ARHGEF26: variants seen among roughly 807,000 people sequenced by gnomAD.
The protein encoded by ARHGEF26 is Rho guanine nucleotide exchange factor 26.
In ARHGEF26, 59 loss-of-function variants were observed where a neutral mutation model predicts 89.4. The ratio of observed to expected loss-of-function variants is 0.66; its 90% CI spans 0.54 to 0.82. The LOEUF (loss-of-function observed/expected upper bound fraction) is 0.82. Among genes scored for constraint, ARHGEF26 ranks in the 40% least tolerant of loss-of-function variants. The pLI, the probability that ARHGEF26 is intolerant of heterozygous loss-of-function variation, is 0.00. For synonymous variants in ARHGEF26, 500 were observed against 428.4 expected (o/e 1.17, Z -2.06); for missense variants, 1,234 against 1,085.6 (o/e 1.14, Z -1.92).
chr3:154,240,447 A>G lies in ARHGEF26; in HGVS notation c.2168A>G (p.Asn723Ser). ...GAATCTTGTGACAATGAAGAGCTTA[A>G]TTCTTCTCCAGGGAAGAACAGCTCC... is the stretch of plus-strand genomic sequence containing the variant. Reference protein sequence around the residue: ...LVESCDNEELNSSPGKNSSTM... With the variant: ...LVESCDNEELSSSPGKNSSTM... Residue 723 changes from asparagine (N) to serine (S), a missense_variant, in exon 12 of 15, where the codon AAT becomes AGT. Coordinates refer to ENST00000465093, the MANE Select transcript of ARHGEF26 (RefSeq NM_015595.4). The G allele has an allele frequency of 6.2e-7, 1 of 1,613,636 alleles. No individual in the cohort carries two copies. Among genetic ancestry groups the G allele is most frequent in the Non-Finnish European group, 8.5e-7 (1 of 1,179,678 alleles).
intron 4 of ARHGEF26, among the ~76,000 whole-genome samples, chr3:154,132,994 G>A (rs547358418): frequency 1.3e-5 from 2 of 152,254 alleles, no homozygotes; most frequent in Admixed American, 6.5e-5. Flanking sequence ...AGGGTAGGGA[G>A]TGAGTGCACA....
chr3:154,139,713 G>A (rs1719241029), intron 4 of ARHGEF26, among the ~76,000 whole-genome samples: 1 of 152,048 alleles, frequency 6.6e-6, no homozygotes, highest in African/African-American at 2.4e-5. Flanking sequence ...AATTACTATT[G>A]AATCTTTAAA....
At chr3:154,132,335 G>A (rs1718729602) in intron 4 of ARHGEF26, among the ~76,000 whole-genome samples, 3 of 151,744 alleles carry the variant, frequency 2.0e-5, no homozygotes, top group Non-Finnish European at 2.9e-5. Context: ...CTATTACAGC[G>A]AACCCCTCCT....
At position 154,247,518 on chromosome 3, in the gene ARHGEF26, C is replaced by T. The variant is rs16823814; in HGVS notation, c.2301-5598C>T. 6.0e-3 allele frequency among the ~76,000 whole-genome samples: 920 copies of T among 152,312 alleles called. 9 individuals are homozygous for T. Among genetic ancestry groups the T allele is most frequent in the African/African-American group, 0.022 (896 of 41,556 alleles). ...TCAATACAGTAGTTTTATCACTAAT[C>T]CCTAAGCTCAGCTCTAGTTTTGTCC... On this transcript the variant is annotated intron_variant, in intron 12 of 14. Coordinates refer to ENST00000465093, the MANE Select transcript of ARHGEF26 (RefSeq NM_015595.4).
chr3:154,209,721 A>C (rs757527830), intron 9 of ARHGEF26, among the ~76,000 whole-genome samples: 1 of 152,084 alleles, frequency 6.6e-6, no homozygotes, highest in Non-Finnish European at 1.5e-5. Context: ...ACAGTGCTGG[A>C]TCTCGCTCAA....
chr3:154,172,016 TAAG>T (rs2108141260), intron 6 of ARHGEF26, among the ~76,000 whole-genome samples: 1 of 152,316 alleles, frequency 6.6e-6, no homozygotes, highest in African/African-American at 2.4e-5. Context: ...CAACATACCT[TAAG>T]AATGGTTTCA....
At position 154,257,181 on chromosome 3, in the gene ARHGEF26, A is replaced by ACTT. The variant is rs1328953138; in HGVS notation, c.*1711_*1713dup. ...AATGAGCCAGTGTGGGGCACTGGGG[A>ACTT]CTTCTAACCCTTGGATTGCTCTTTT... On this transcript the variant is annotated 3_prime_UTR_variant, in exon 15 of 15. Transcript: ENST00000465093. 6.2e-6 allele frequency: 3 copies of ACTT among 486,502 alleles called. No homozygotes were observed. Among genetic ancestry groups the ACTT allele is most frequent in the Middle Eastern group, 7.3e-4 (2 of 2,726 alleles). The allele number at this position is 486,502 out of a possible 1,614,324, so 30.1% of individuals were successfully genotyped here. A position where few individuals can be genotyped will look rare whatever the true frequency, so the allele number is the denominator to read the frequency against.
Position 154,169,333 on chromosome 3 carries a change from G to A in ARHGEF26, c.1487+16401G>A, listed in dbSNP as rs376128719. On this transcript the variant is annotated intron_variant, in intron 6 of 14. Coordinates refer to ENST00000465093, the MANE Select transcript of ARHGEF26 (RefSeq NM_015595.4). ...TATTTTTAACCCAAAATCAATACTT[G>A]TGGTTTTATGGTCATTCACAGTCAT... 4.6e-5 allele frequency among the ~76,000 whole-genome samples: 7 copies of A among 151,864 alleles called. No individual in the cohort carries two copies. In the East Asian group the frequency reaches 5.8e-4, roughly 13 times the overall value.
chr3:154,187,862 T>TAGATGA, intron 7 of ARHGEF26, 25 bp downstream of exon 7: 1 of 1,590,066 alleles, frequency 6.3e-7, no homozygotes, highest in African/African-American at 1.3e-5. Flanking sequence ...ATGCTACAGT[T>TAGATGA]TTAATCATCT....
chr3:154,172,618 C>G (rs545327664), intron 6 of ARHGEF26, among the ~76,000 whole-genome samples: 6 of 152,242 alleles, frequency 3.9e-5, no homozygotes, highest in African/African-American at 1.2e-4. Flanking sequence ...TGCTTGAACC[C>G]AGGAGGTAGA....
chr3:154,167,419 TCTTTC>T (rs1302791292), intron 6 of ARHGEF26, among the ~76,000 whole-genome samples: 1 of 152,224 alleles, frequency 6.6e-6, no homozygotes, highest in East Asian at 1.9e-4. Flanking sequence ...CGCTCAATCT[TCTTTC>T]CTTTCCTCCT....
intron 3 of ARHGEF26, 59 bp downstream of exon 3, chr3:154,124,508 G>A: frequency 7.0e-7 from 1 of 1,434,064 alleles, no homozygotes; most frequent in Non-Finnish European, 9.3e-7. Context: ...CCAATTATAA[G>A]TTGAAATCCA....
intron 10 of ARHGEF26, among the ~76,000 whole-genome samples, chr3:154,219,590 T>TAAA (rs956719129): frequency 8.2e-6 from 1 of 121,456 alleles, no homozygotes; most frequent in Non-Finnish European, 1.7e-5. Context: ...GCAAGACTCT[T>TAAA]AAAAAAAAAA....
chr3:154,228,633 C>T (rs750301), intron 11 of ARHGEF26, among the ~76,000 whole-genome samples: 1,635 of 151,842 alleles, frequency 0.011, 22 homozygotes, highest in African/African-American at 0.038. Context: ...TTGTTTATGA[C>T]CTGAATATGT....
chr3:154,213,421 C>G (rs1453914424), intron 9 of ARHGEF26, among the ~76,000 whole-genome samples: 2 of 140,370 alleles, frequency 1.4e-5, no homozygotes, highest in Non-Finnish European at 3.0e-5. Context: ...ATGCTTGTCC[C>G]TTCAAAATAC....
rs147713353 is a variant in ARHGEF26, at chr3:154,176,199, T to C, written c.1488-11486T>C. On this transcript the variant is annotated intron_variant, in intron 6 of 14. Transcript: ENST00000465093. Reference sequence around the variant, plus strand: ...AGCCTTCCCCTGAGTAAATGACAAATAGGCAGTTTCTTTAGTATTTTTCAC... The same window carrying C: ...AGCCTTCCCCTGAGTAAATGACAAACAGGCAGTTTCTTTAGTATTTTTCAC... 7.2e-5 allele frequency among the ~76,000 whole-genome samples: 11 copies of C among 152,256 alleles called. No homozygotes were observed. The East Asian group carries it at 2.1e-3, about 29-fold the overall frequency.
At position 154,122,297 on chromosome 3, in the gene ARHGEF26, G is replaced by T. The variant is rs779563502; in HGVS notation, c.305G>T (p.Arg102Met). ...GGTGGGACGGCATCCCCGGAGTACA[G>T]GGCTGCCTCTCCTCGACTTCGACGG... The part of the protein sequence containing the change: ...ANGGTASPEY[R>M]AASPRLRRPK... The change falls in exon 2 of 15, where the codon AGG becomes ATG. Residue 102 changes from arginine to methionine, a missense_variant. Coordinates refer to ENST00000465093, the MANE Select transcript of ARHGEF26 (RefSeq NM_015595.4). 6.2e-7 allele frequency: 1 copy of T among 1,612,734 alleles called. No individual in the cohort carries two copies. The highest frequency in any genetic ancestry group is 8.5e-7 in the Non-Finnish European group (1 of 1,179,816).
Position 154,257,127 on chromosome 3 carries a change from T to A in ARHGEF26, c.*1654T>A. 1 of 916,804 alleles carries A rather than the reference T, an allele frequency of 1.1e-6. No homozygotes were observed. The highest frequency in any genetic ancestry group is 1.6e-6 in the Non-Finnish European group (1 of 644,098). 56.8% of individuals were successfully genotyped at this position (916,804 alleles called of 1,614,324 possible). A position where few individuals can be genotyped will look rare whatever the true frequency, so the allele number is the denominator to read the frequency against. On this transcript the variant is annotated 3_prime_UTR_variant, in exon 15 of 15. Transcript: ENST00000465093. The stretch of plus-strand genomic sequence containing the variant: ...CAGTTGAGGGGTAAGTGTGCCTGGC[T>A]CACACAGCCTGCACCCTGTCACCTC...
chr3:154,130,812 G>A (rs1718641433), intron 4 of ARHGEF26, among the ~76,000 whole-genome samples: 1 of 152,182 alleles, frequency 6.6e-6, no homozygotes, highest in African/African-American at 2.4e-5. Flanking sequence ...TCAGAGCAGA[G>A]GTGACAGAGA....
Sources: allele counts gnomAD v4.1 joint callset (sites outside exome capture counted in the v4.1 genomes callset), GRCh38; gene constraint gnomAD v4.1.1; transcripts MANE v1.5; gene names NCBI Gene and HGNC (gene_info 2026-07-23, HGNC 2026-07-21).